NRXN3: variants seen among roughly 807,000 people sequenced by gnomAD.
NRXN3 encodes the protein neurexin III.
A neutral mutation model predicts 137.6 loss-of-function variants in NRXN3; 32 were observed. That is an observed-to-expected ratio of 0.23 (90% confidence interval 0.18 to 0.31). The LOEUF (loss-of-function observed/expected upper bound fraction) is 0.31. Ranked by LOEUF, NRXN3 falls within the 10% of genes least tolerant of loss-of-function variation. The pLI is 1.00. For missense variants in NRXN3, 1,574 were observed against 2,062.5 expected (o/e 0.76, Z 4.59); for synonymous variants, 798 against 784.5 (o/e 1.02, Z -0.29).
intron 1 of NRXN3, among the ~76,000 whole-genome samples, chr14:78,218,429 CTT>C (rs749123331): frequency 6.6e-6 from 1 of 152,130 alleles, no homozygotes; most frequent in Non-Finnish European, 1.5e-5. Context: ...GGCACATTCT[CTT>C]TTTGTAGGGG....
In NRXN3 at chr14:79,754,593, T is replaced by C. The variant is rs941285536; in HGVS notation, c.4015-50519T>C. 1.7e-4 allele frequency among the ~76,000 whole-genome samples: 25 copies of C among 143,982 alleles called. No homozygotes were observed. The East Asian group carries it at 2.9e-3, about 17-fold the overall frequency. The allele number at this position is 143,982 out of a possible 152,430, so 94.5% of individuals were successfully genotyped here. The stretch of plus-strand genomic sequence containing the variant: ...ACATACACACACACACACACACATA[T>C]ATATACACACACATACACACACACG... On this transcript the variant is annotated intron_variant, in intron 19 of 20. Coordinates refer to ENST00000335750, the MANE Select transcript of NRXN3 (RefSeq NM_001330195.2).
intron 10 of NRXN3, among the ~76,000 whole-genome samples, chr14:78,921,720 A>G (rs2099271412): frequency 6.6e-6 from 1 of 152,208 alleles, no homozygotes; most frequent in Non-Finnish European, 1.5e-5. Flanking sequence ...AAATACATGC[A>G]TAAAATGATG....
At chr14:78,549,211 G>T (rs1159705460) in intron 4 of NRXN3, among the ~76,000 whole-genome samples, 1 of 152,122 alleles carries the variant, frequency 6.6e-6, no homozygotes, top group Admixed American at 6.5e-5. Context: ...AGGATGCTTT[G>T]TCCTTCACTG....
intron 4 of NRXN3, among the ~76,000 whole-genome samples, chr14:78,606,764 C>T (rs191071946): frequency 3.0e-4 from 45 of 152,232 alleles, no homozygotes; most frequent in Admixed American, 2.6e-3. Flanking sequence ...TACCTGCCAG[C>T]GTGTTGTTGA....
chr14:79,864,229 A>G lies in NRXN3; in HGVS notation c.*2265A>G, dbSNP rs1470707235. The stretch of plus-strand genomic sequence containing the variant: ...TATATTCCTTTCAGTGTAAGTTTCT[A>G]TTTGGACAATTTTATGGGAACATGT... On this transcript the variant is annotated 3_prime_UTR_variant, in exon 21 of 21. Coordinates refer to ENST00000335750, the MANE Select transcript of NRXN3 (RefSeq NM_001330195.2). The G allele has an allele frequency of 6.6e-6, 1 of 152,508 alleles. No homozygotes were observed. Among genetic ancestry groups the G allele is most frequent in the Non-Finnish European group, 1.5e-5 (1 of 68,002 alleles). The allele number at this position is 152,508 out of a possible 1,614,324, so 9.4% of individuals were successfully genotyped here.
intron 4 of NRXN3, among the ~76,000 whole-genome samples, chr14:78,585,918 T>G (rs536718436): frequency 6.6e-6 from 1 of 152,206 alleles, no homozygotes; most frequent in Non-Finnish European, 1.5e-5. Context: ...TTGAGAATCA[T>G]TAGCATACAC....
At chr14:78,410,468 A>G (rs967756934) in intron 4 of NRXN3, among the ~76,000 whole-genome samples, 2 of 152,166 alleles carry the variant, frequency 1.3e-5, no homozygotes, top group African/African-American at 4.8e-5. Flanking sequence ...GTCTAAATGG[A>G]CTATAAGACA....
chr14:79,178,345 C>A (rs545993240), intron 15 of NRXN3, among the ~76,000 whole-genome samples: 15 of 152,132 alleles, frequency 9.9e-5, no homozygotes, highest in African/African-American at 3.6e-4. Flanking sequence ...GTGTCTCTGT[C>A]TTTTTTTTAA....
chr14:78,991,295 G>C (rs939541868), intron 15 of NRXN3, among the ~76,000 whole-genome samples: 1 of 152,106 alleles, frequency 6.6e-6, no homozygotes, highest in Non-Finnish European at 1.5e-5. Context: ...AACAGAAATG[G>C]GTCACAGCAT....
intron 15 of NRXN3, among the ~76,000 whole-genome samples, chr14:79,292,462 C>T (rs2083363147): frequency 6.6e-6 from 1 of 152,200 alleles, no homozygotes; most frequent in Non-Finnish European, 1.5e-5. Context: ...ACCAAACTTT[C>T]CTGATTTTAA....
intron 15 of NRXN3, among the ~76,000 whole-genome samples, chr14:79,019,611 G>A (rs566080346): frequency 6.6e-6 from 1 of 152,090 alleles, no homozygotes; most frequent in Non-Finnish European, 1.5e-5. Flanking sequence ...CAATGCACTT[G>A]ATAGGTACAG....
chr14:79,661,294 T>C (rs557917694), intron 16 of NRXN3, among the ~76,000 whole-genome samples: 10 of 152,266 alleles, frequency 6.6e-5, no homozygotes, highest in African/African-American at 2.4e-4. Context: ...GACATCATTT[T>C]ATATTGCATA....
At chr14:79,478,688 A>G (rs1798030369) in intron 16 of NRXN3, among the ~76,000 whole-genome samples, 1 of 152,148 alleles carries the variant, frequency 6.6e-6, no homozygotes. Context: ...AGTCCTACAA[A>G]ATAAATAAAG....
intron 4 of NRXN3, among the ~76,000 whole-genome samples, chr14:78,438,002 G>A (rs969119212): frequency 2.6e-5 from 4 of 152,090 alleles, no homozygotes; most frequent in African/African-American, 7.2e-5. Context: ...GATAAAGAAC[G>A]TCCTGGGGGT....
chr14:79,773,476 T>C (rs1014369767), intron 19 of NRXN3, among the ~76,000 whole-genome samples: 12 of 151,816 alleles, frequency 7.9e-5, no homozygotes, highest in Non-Finnish European at 7.4e-5. Context: ...ATGTCCTTTG[T>C]AGGCACATGG....
At chr14:78,591,808 C>T (rs559938977) in intron 4 of NRXN3, among the ~76,000 whole-genome samples, 1 of 152,324 alleles carries the variant, frequency 6.6e-6, no homozygotes, top group East Asian at 1.9e-4. Flanking sequence ...GTAGAAGAGA[C>T]AGCAGTTCAG....
At chr14:79,760,583 A>G (rs1448013797) in intron 19 of NRXN3, 3 of 151,538 alleles carry the variant, frequency 2.0e-5, no homozygotes, top group Admixed American at 2.0e-4. Context: ...AAAATTTTTC[A>G]CAAACAGCAA....
chr14:79,028,813 T>C (rs1169998012), intron 15 of NRXN3, among the ~76,000 whole-genome samples: 2 of 152,120 alleles, frequency 1.3e-5, no homozygotes, highest in Admixed American at 6.6e-5. Flanking sequence ...CGAGTTACCA[T>C]AGCCTCCGTG....
intron 15 of NRXN3, among the ~76,000 whole-genome samples, chr14:79,118,947 T>G (rs2054945131): frequency 6.6e-6 from 1 of 152,208 alleles, no homozygotes; most frequent in Non-Finnish European, 1.5e-5. Flanking sequence ...ATTCTTTCTT[T>G]TCTGAGGGGT....
Sources: gnomAD v4.1 joint callset for allele counts (sites outside exome capture counted in the v4.1 genomes callset) on GRCh38, gnomAD v4.1.1 for gene constraint, MANE v1.5 for transcripts, NCBI Gene and HGNC (gene_info 2026-07-23, HGNC 2026-07-21) for gene names.